The following OR51L1 variants were observed in gnomAD, a reference collection of about 807,000 sequenced individuals.
The protein encoded by OR51L1 is olfactory receptor 51L1.
OR51L1 carries 1 observed loss-of-function variant against 1.4 expected under a neutral mutation model. That is an observed-to-expected ratio of 0.72 (90% confidence interval 0.26 to 3.42). The LOEUF (loss-of-function observed/expected upper bound fraction) is 3.42, where lower values mean the gene tolerates loss of function less well. Ranked by LOEUF, OR51L1 falls within the 30% of genes most tolerant of loss-of-function variation. The pLI, the probability that OR51L1 is intolerant of heterozygous loss-of-function variation, is 0.20. For synonymous variants in OR51L1, 156 were observed against 144.2 expected (o/e 1.08, Z -0.59); for missense variants, 378 against 380.0 (o/e 0.99, Z 0.04).
At position 4,998,994 on chromosome 11, in the gene OR51L1, G is replaced by A. The variant is rs1589828578; in HGVS notation, c.12G>A (p.Trp4Ter). 1 of 1,613,546 alleles carries A rather than the reference G, an allele frequency of 6.2e-7. No individual in the cohort carries two copies. The highest frequency in any genetic ancestry group is 2.2e-5 in the East Asian group (1 of 44,884). The change falls in exon 3 of 3, where the codon TGG becomes TGA. Residue 4 changes from tryptophan to a stop codon, truncating the protein, a stop_gained. Coordinates refer to ENST00000641819, the MANE Select transcript of OR51L1 (RefSeq NM_001004755.2). LOFTEE classifies it low-confidence loss of function (END_TRUNC). MGD[W>*]NNSDAVEPIF... The stretch of plus-strand genomic sequence containing the variant: ...TACTCAAAGTCACTATGGGAGACTG[G>A]AATAACAGTGATGCTGTGGAGCCCA...
intron 1 of OR51L1, among the ~76,000 whole-genome samples, chr11:4,996,567 T>C (rs1406374185): frequency 6.6e-6 from 1 of 152,116 alleles, no homozygotes; most frequent in Non-Finnish European, 1.5e-5. Flanking sequence ...ATATGATTTA[T>C]TTCAGGACTG....
At chr11:4,998,732 G>T (rs148028679) in intron 2 of OR51L1, 92 bp from the exon 3 acceptor site, 3 of 407,198 alleles carry the variant, frequency 7.4e-6, no homozygotes, top group Non-Finnish European at 1.3e-5. Flanking sequence ...CAAATCCAAC[G>T]TATTTCTTGC....
In OR51L1 at chr11:5,004,002, G is replaced by A. The variant is rs776422221; in HGVS notation, c.*4072G>A. The A allele has an allele frequency of 1.3e-5, 2 of 152,062 alleles. No homozygotes were observed. Among genetic ancestry groups the A allele is most frequent in the African/African-American group, 2.4e-5 (1 of 41,410 alleles). 9.4% of individuals were successfully genotyped at this position (152,062 alleles called of 1,614,324 possible). ...CAAAAATCACACAGTAATTTGAATA[G>A]AGTTTATAAATACAAATACTTATTA... On this transcript the variant is annotated 3_prime_UTR_variant, in exon 3 of 3. Transcript: ENST00000641819.
rs2133661828 is a variant in OR51L1, at chr11:4,999,974, G to A, written c.*44G>A. On this transcript the variant is annotated 3_prime_UTR_variant, in exon 3 of 3. Coordinates refer to ENST00000641819, the MANE Select transcript of OR51L1 (RefSeq NM_001004755.2). ...CTTTTCCACTGAAAATCTCATGGAAGCTGTTTTAGTATATGAAAAGTAAAA... is the reference window on the plus strand; with the variant it reads ...CTTTTCCACTGAAAATCTCATGGAAACTGTTTTAGTATATGAAAAGTAAAA... 6.5e-7 allele frequency: 1 copy of A among 1,540,740 alleles called. No individual in the cohort carries two copies. The highest frequency in any genetic ancestry group is 8.7e-7 in the Non-Finnish European group (1 of 1,146,860).
At position 5,003,451 on chromosome 11, in the gene OR51L1, A is replaced by T. The variant is rs912282623; in HGVS notation, c.*3521A>T. ...CTTTTGGCATCTGCATTCTATTAGC[A>T]GTTTAGTGCAACAGGTGTGGACCAT... On this transcript the variant is annotated 3_prime_UTR_variant, in exon 3 of 3. Transcript: ENST00000641819. 1 of 152,076 alleles carries T rather than the reference A, an allele frequency of 6.6e-6. No homozygotes were observed. The highest frequency in any genetic ancestry group is 2.4e-5 in the African/African-American group (1 of 41,370). 9.4% of individuals were successfully genotyped at this position (152,076 alleles called of 1,614,324 possible). A position where few individuals can be genotyped will look rare whatever the true frequency, so the allele number is the denominator to read the frequency against.
rs1847110967 is a variant in OR51L1 at position 4,999,737 on chromosome 11, T to A, written c.755T>A (p.Ile252Asn). 1 of 1,613,926 alleles carries A rather than the reference T, an allele frequency of 6.2e-7. No individual in the cohort carries two copies. The highest frequency in any genetic ancestry group is 8.5e-7 in the Non-Finnish European group (1 of 1,180,006). Residue 252 changes from isoleucine to asparagine, a missense_variant, in exon 3 of 3, where the codon ATC becomes AAC. By Grantham distance (149) the Ile-to-Asn change is moderately radical (BLOSUM62 -3). Transcript: ENST00000641819. ...GTATCCCATATCTGTGTGGTGCTTATCTTCTTTGTGCCAGTTATTGGGGTG... is the reference window on the plus strand; with the variant it reads ...GTATCCCATATCTGTGTGGTGCTTAACTTCTTTGTGCCAGTTATTGGGGTG... ...TCVSHICVVL[I>N]FFVPVIGVSM... is the part of the protein sequence containing the mutation.
chr11:5,001,697 A>G lies in OR51L1; in HGVS notation c.*1767A>G, dbSNP rs1373587222. 6.6e-6 allele frequency: 1 copy of G among 152,208 alleles called. No individual in the cohort carries two copies. Among genetic ancestry groups the G allele is most frequent in the Non-Finnish European group, 1.5e-5 (1 of 68,044 alleles). 9.4% of individuals were successfully genotyped at this position (152,208 alleles called of 1,614,324 possible). ...TATGGGTGATATTTTATTATTTCAT[A>G]TAAATTCACTTTCTTTTCAGCTGTA... On this transcript the variant is annotated 3_prime_UTR_variant, in exon 3 of 3. Transcript: ENST00000641819.
Position 4,999,856 on chromosome 11 carries a change from A to G in OR51L1, c.874A>G (p.Ile292Val), listed in dbSNP as rs201262255. 53 of 1,613,750 alleles carry G rather than the reference A, an allele frequency of 3.3e-5. No homozygotes were observed. The highest frequency in any genetic ancestry group is 1.6e-4 in the Middle Eastern group (1 of 6,082). Residue 292 changes from isoleucine to valine, a missense_variant, in exon 3 of 3, where the codon ATT becomes GTT. Coordinates refer to ENST00000641819, the MANE Select transcript of OR51L1 (RefSeq NM_001004755.2). ...YLLLPPVLNP[I>V]VYSVRTKQIR... ...TCTTCTTCCCCCAGTCCTTAACCCT[A>G]TTGTCTATAGTGTCAGAACAAAGCA...
In OR51L1 at chr11:4,999,218, C is replaced by T. The variant is rs2133661087; in HGVS notation, c.236C>T (p.Thr79Ile). 1.2e-6 allele frequency: 2 copies of T among 1,614,184 alleles called. No homozygotes were observed. The highest frequency in any genetic ancestry group is 2.2e-5 in the East Asian group (1 of 44,878). ...AATGACCTGGGGATGTCCCTGTCTA[C>T]ACTTCCCACCATGCTTGCTGTGTTA... is the stretch of plus-strand genomic sequence containing the variant. ...AVNDLGMSLS[T>I]LPTMLAVLWL... Residue 79 changes from threonine to isoleucine, a missense_variant, in exon 3 of 3, where the codon ACA becomes ATA. Thr to Ile is a moderately conservative substitution (Grantham distance 89). Transcript: ENST00000641819.
Position 5,005,462 on chromosome 11 carries a change from CT to C in OR51L1, c.*5535del, listed in dbSNP as rs1386972147. The C allele has an allele frequency of 1.3e-5, 2 of 152,124 alleles. No individual in the cohort carries two copies. Among genetic ancestry groups the C allele is most frequent in the Admixed American group, 6.5e-5 (1 of 15,284 alleles). The allele number at this position is 152,124 out of a possible 1,614,324, so 9.4% of individuals were successfully genotyped here. A position where few individuals can be genotyped will look rare whatever the true frequency, so the allele number is the denominator to read the frequency against. ...GATAAATACACAATGTCCTGAAAAC[CT>C]TTGTGGAAATAGCCACAGATGTGTC... On this transcript the variant is annotated 3_prime_UTR_variant, in exon 3 of 3. Coordinates refer to ENST00000641819, the MANE Select transcript of OR51L1 (RefSeq NM_001004755.2).
intron 1 of OR51L1, among the ~76,000 whole-genome samples, chr11:4,995,918 G>A (rs1482936351): frequency 6.6e-6 from 1 of 152,020 alleles, no homozygotes; most frequent in African/African-American, 2.4e-5. Context: ...AAATAGAAAC[G>A]GGAAAGGGGC....
Position 5,004,146 on chromosome 11 carries a change from C to G in OR51L1, c.*4216C>G, listed in dbSNP as rs1027138157. ...GAAAATGGGGAAGGTACTCCCCAAG[C>G]CCGAGGTTGAAACTTCATTTGAGAA... On this transcript the variant is annotated 3_prime_UTR_variant, in exon 3 of 3. Transcript: ENST00000641819. 1 of 152,142 alleles carries G rather than the reference C, an allele frequency of 6.6e-6. No individual in the cohort carries two copies. Among genetic ancestry groups the G allele is most frequent in the Non-Finnish European group, 1.5e-5 (1 of 68,028 alleles). The allele number at this position is 152,142 out of a possible 1,614,324, so 9.4% of individuals were successfully genotyped here. A position where few individuals can be genotyped will look rare whatever the true frequency, so the allele number is the denominator to read the frequency against.
rs749547529 is a variant in OR51L1 at position 4,999,103 on chromosome 11, T to C, written c.121T>C (p.Phe41Leu). Residue 41 changes from phenylalanine (F) to leucine (L), a missense_variant, in exon 3 of 3, where the codon TTT (phenylalanine) becomes CTT (leucine). Phe to Leu is a conservative substitution (Grantham distance 22, BLOSUM62 0). Coordinates refer to ENST00000641819, the MANE Select transcript of OR51L1 (RefSeq NM_001004755.2). ...ILFCLAYLVA[F>L]MGNVTILSVI... ...CTTCTGTCTTGCATATTTGGTAGCATTTATGGGTAATGTTACCATCCTGTC... is the reference window on the plus strand; with the variant it reads ...CTTCTGTCTTGCATATTTGGTAGCACTTATGGGTAATGTTACCATCCTGTC... 21 of 1,614,164 alleles carry C rather than the reference T, an allele frequency of 1.3e-5. No individual in the cohort carries two copies. The highest frequency in any genetic ancestry group is 2.7e-5 in the African/African-American group (2 of 75,046).
Position 5,002,406 on chromosome 11 carries a change from C to T in OR51L1, c.*2476C>T, listed in dbSNP as rs1226529589. The stretch of plus-strand genomic sequence containing the variant: ...GTTCTTCAGTCTAACTTAAAACTTA[C>T]CCAAAGCATTTTGCATTTCCTCCCA... On this transcript the variant is annotated 3_prime_UTR_variant, in exon 3 of 3. Transcript: ENST00000641819. 6.6e-6 allele frequency: 1 copy of T among 152,150 alleles called. No individual in the cohort carries two copies. Among genetic ancestry groups the T allele is most frequent in the Non-Finnish European group, 1.5e-5 (1 of 68,030 alleles). 9.4% of individuals were successfully genotyped at this position (152,150 alleles called of 1,614,324 possible).
rs762113574 is a variant in OR51L1 at position 4,999,768 on chromosome 11, G to T, written c.786G>T (p.Met262Ile). Residue 262 changes from methionine (M) to isoleucine (I), a missense_variant, in exon 3 of 3, where the codon ATG (methionine) becomes ATT (isoleucine). By Grantham distance (10) the Met-to-Ile change is conservative. Transcript: ENST00000641819. ...IFFVPVIGVS[M>I]VHRFGKHLSP... ...TTGTGCCAGTTATTGGGGTGTCAAT[G>T]GTCCATCGCTTTGGGAAGCATCTGT... 3.1e-6 allele frequency: 5 copies of T among 1,613,974 alleles called. No individual in the cohort carries two copies. Among genetic ancestry groups the T allele is most frequent in the East Asian group, 2.2e-5 (1 of 44,864 alleles).
chr11:5,003,524 G>A lies in OR51L1; in HGVS notation c.*3594G>A, dbSNP rs1260785042. 2 of 152,186 alleles carry A rather than the reference G, an allele frequency of 1.3e-5. No homozygotes were observed. The highest frequency in any genetic ancestry group is 2.9e-5 in the Non-Finnish European group (2 of 68,104). The allele number at this position is 152,186 out of a possible 1,614,324, so 9.4% of individuals were successfully genotyped here. A position where few individuals can be genotyped will look rare whatever the true frequency, so the allele number is the denominator to read the frequency against. ...GCAGGCTGCCAATTTATCACTTTTA[G>A]AGAGGCAATGTGATAATTGCCCAAC... On this transcript the variant is annotated 3_prime_UTR_variant, in exon 3 of 3. Transcript: ENST00000641819.
Position 5,001,955 on chromosome 11 carries a change from G to T in OR51L1, c.*2025G>T, listed in dbSNP as rs1288975391. 1 of 152,110 alleles carries T rather than the reference G, an allele frequency of 6.6e-6. No individual in the cohort carries two copies. Among genetic ancestry groups the T allele is most frequent in the East Asian group, 1.9e-4 (1 of 5,198 alleles). 9.4% of individuals were successfully genotyped at this position (152,110 alleles called of 1,614,324 possible). A position where few individuals can be genotyped will look rare whatever the true frequency, so the allele number is the denominator to read the frequency against. Reference sequence around the variant, plus strand: ...GTTAGTAAAATTAAGTGTAATCAATGGTATTATTGGAACAGGTACCTTTTA... The same window carrying T: ...GTTAGTAAAATTAAGTGTAATCAATTGTATTATTGGAACAGGTACCTTTTA... On this transcript the variant is annotated 3_prime_UTR_variant, in exon 3 of 3. Transcript: ENST00000641819.
In OR51L1 at chr11:4,999,762, G is replaced by A; in HGVS notation, c.780G>A (p.Val260=). ...VLIFFVPVIG[V]SMVHRFGKHL... ...TCTTCTTTGTGCCAGTTATTGGGGTGTCAATGGTCCATCGCTTTGGGAAGC... is the reference window on the plus strand; with the variant it reads ...TCTTCTTTGTGCCAGTTATTGGGGTATCAATGGTCCATCGCTTTGGGAAGC... The change falls in exon 3 of 3, where the codon GTG becomes GTA. Residue 260 remains valine (V), a synonymous_variant. Transcript: ENST00000641819. 10 of 1,614,050 alleles carry A rather than the reference G, an allele frequency of 6.2e-6. No homozygotes were observed. Among genetic ancestry groups the A allele is most frequent in the Non-Finnish European group, 8.5e-6 (10 of 1,180,002 alleles).
Position 4,999,482 on chromosome 11 carries a change from A to T in OR51L1, c.500A>T (p.His167Leu). 1 of 1,614,108 alleles carries T rather than the reference A, an allele frequency of 6.2e-7. No homozygotes were observed. Among genetic ancestry groups the T allele is most frequent in the Non-Finnish European group, 8.5e-7 (1 of 1,180,026 alleles). Residue 167 changes from histidine (H) to leucine (L), a missense_variant, in exon 3 of 3, where the codon CAC becomes CTC. Coordinates refer to ENST00000641819, the MANE Select transcript of OR51L1 (RefSeq NM_001004755.2). ...CTTCCCACACCTTTGCTACTGAGAC[A>T]CTATCACTACTGCCATGGCAATGCC... ...VVLPTPLLLR[H>L]YHYCHGNALS...
Sources: allele counts gnomAD v4.1 joint callset (sites outside exome capture counted in the v4.1 genomes callset), GRCh38; gene constraint gnomAD v4.1.1; transcripts MANE v1.5; gene names NCBI Gene and HGNC (gene_info 2026-07-23, HGNC 2026-07-21).